NMNAT2: variants seen among roughly 807,000 people sequenced by gnomAD.
NMNAT2 encodes the protein nicotinamide/nicotinic acid mononucleotide adenylyltransferase 2.
A neutral mutation model predicts 41.6 loss-of-function variants in NMNAT2; 11 were observed. The observed-to-expected ratio is 0.26, with a 90% CI of 0.17 to 0.44. The LOEUF (loss-of-function observed/expected upper bound fraction) is 0.44. Ranked by LOEUF, NMNAT2 falls within the 20% of genes least tolerant of loss-of-function variation. The pLI is 1.00. For missense variants in NMNAT2, 288 were observed against 407.7 expected, an observed-to-expected ratio of 0.71 and a Z score of 2.53; for synonymous variants, 148 against 151.2, an observed-to-expected ratio of 0.98 and a Z score of 0.16.
At chr1:183,374,197 G>A (rs905731959) in intron 1 of NMNAT2, among the ~76,000 whole-genome samples, 5 of 152,264 alleles carry the variant, frequency 3.3e-5, no homozygotes, top group Admixed American at 6.5e-5. Flanking sequence ...CCAGTATACC[G>A]TGGCACCATT....
At chr1:183,393,648 C>T (rs530483095) in intron 1 of NMNAT2, among the ~76,000 whole-genome samples, 7 of 152,092 alleles carry the variant, frequency 4.6e-5, no homozygotes, top group East Asian at 1.9e-4. Flanking sequence ...CTCTGCCTCC[C>T]GGGTTCAAGC....
At chr1:183,342,897 CTAA>C (rs890713318) in intron 1 of NMNAT2, among the ~76,000 whole-genome samples, 5 of 97,370 alleles carry the variant, frequency 5.1e-5, no homozygotes, top group Non-Finnish European at 1.1e-4. Flanking sequence ...TCATGACTGG[CTAA>C]TTATTATTAT....
chr1:183,322,451 C>G (rs1258080936), intron 1 of NMNAT2, among the ~76,000 whole-genome samples: 2 of 152,106 alleles, frequency 1.3e-5, no homozygotes, highest in African/African-American at 4.8e-5. Context: ...GGCTAGGTAC[C>G]TTCTTCTCAT....
intron 1 of NMNAT2, among the ~76,000 whole-genome samples, chr1:183,295,712 C>T (rs1423256533): frequency 6.6e-6 from 1 of 152,122 alleles, no homozygotes; most frequent in Non-Finnish European, 1.5e-5. Flanking sequence ...GTTCTGTTTA[C>T]TTTTTCTATA....
intron 1 of NMNAT2, among the ~76,000 whole-genome samples, chr1:183,295,231 G>A (rs1661658123): frequency 6.6e-6 from 1 of 152,016 alleles, no homozygotes; most frequent in African/African-American, 2.4e-5. Context: ...CAAACTCCCG[G>A]CCTCAAGTGA....
chr1:183,304,831 C>T, intron 1 of NMNAT2: 1 of 1,597,834 alleles, frequency 6.3e-7, no homozygotes, highest in South Asian at 1.1e-5. Context: ...CTCATTGTTG[C>T]TGATCTTGTT....
At chr1:183,403,369 A>C (rs1336717742) in intron 1 of NMNAT2, among the ~76,000 whole-genome samples, 6 of 152,228 alleles carry the variant, frequency 3.9e-5, no homozygotes. Context: ...ATTTGCATGT[A>C]AAAGAAATGT....
chr1:183,254,772 T>C (rs1660476049), intron 10 of NMNAT2, among the ~76,000 whole-genome samples: 2 of 152,342 alleles, frequency 1.3e-5, no homozygotes, highest in South Asian at 4.1e-4. Context: ...ATATGTTTTC[T>C]TGCTATTTTG....
intron 1 of NMNAT2, among the ~76,000 whole-genome samples, chr1:183,360,434 G>T (rs1330076231): frequency 6.6e-6 from 1 of 151,320 alleles, no homozygotes; most frequent in East Asian, 2.0e-4. Flanking sequence ...CTTCTATTTA[G>T]CCCCAGGTCC....
intron 1 of NMNAT2, among the ~76,000 whole-genome samples, chr1:183,366,798 G>T (rs765579570): frequency 3.3e-5 from 5 of 152,050 alleles, no homozygotes; most frequent in Non-Finnish European, 5.9e-5. Context: ...GGGAATGAGA[G>T]CCAGCAATGA....
chr1:183,293,002 C>T (rs551008413), intron 2 of NMNAT2, 145 bp from the exon 3 acceptor site: 27 of 760,458 alleles, frequency 3.6e-5, no homozygotes, highest in African/African-American at 5.3e-5. Context: ...TTTACTTGTC[C>T]GTTTGCCACA....
chr1:183,364,792 A>G (rs2102361779), intron 1 of NMNAT2, among the ~76,000 whole-genome samples: 1 of 152,188 alleles, frequency 6.6e-6, no homozygotes, highest in Admixed American at 6.5e-5. Flanking sequence ...CCCAGGTTCA[A>G]GCGATTCTCC....
intron 1 of NMNAT2, among the ~76,000 whole-genome samples, chr1:183,372,989 C>T (rs1663582337): frequency 1.3e-5 from 2 of 152,270 alleles, no homozygotes; most frequent in South Asian, 2.1e-4. Flanking sequence ...ATAGGAGGGG[C>T]CAGCTCCCCC....
chr1:183,278,734 G>C (rs1639722561), intron 7 of NMNAT2, 105 bp from the exon 8 acceptor site: 2 of 793,686 alleles, frequency 2.5e-6, no homozygotes, highest in Non-Finnish European at 4.4e-6. Flanking sequence ...CCCACCTTTG[G>C]GGATGTGGGG....
intron 1 of NMNAT2, among the ~76,000 whole-genome samples, chr1:183,369,779 A>G (rs562751378): frequency 2.6e-5 from 4 of 151,920 alleles, no homozygotes; most frequent in Non-Finnish European, 4.4e-5. Context: ...TTAACTCCTC[A>G]TTAAACACTA....
chr1:183,297,609 G>A (rs1279979779), intron 1 of NMNAT2, among the ~76,000 whole-genome samples: 4 of 152,096 alleles, frequency 2.6e-5, no homozygotes, highest in East Asian at 3.9e-4. Context: ...TTGAACTCCC[G>A]ACCTCAGGTG....
At chr1:183,396,459 G>C (rs1318904724) in intron 1 of NMNAT2, among the ~76,000 whole-genome samples, 1 of 152,144 alleles carries the variant, frequency 6.6e-6, no homozygotes, top group African/African-American at 2.4e-5. Context: ...TCAAGCATGT[G>C]CACTAAGAGG....
Position 183,293,813 on chromosome 1 carries a change from C to G in NMNAT2, c.86-20G>C. 6.4e-7 allele frequency: 1 copy of G among 1,557,888 alleles called. No individual in the cohort carries two copies. ...CTCTTTCTAATTAAGAGAAGAAACC[C>G]ACACATTATAAAGAGGAAAGGCATG... is the stretch of plus-strand genomic sequence containing the variant. On this transcript the variant is annotated intron_variant, in intron 1 of 10. Coordinates refer to ENST00000287713, the MANE Select transcript of NMNAT2 (RefSeq NM_015039.4).
At chr1:183,385,126 C>T (rs1002037947) in intron 1 of NMNAT2, among the ~76,000 whole-genome samples, 2 of 151,964 alleles carry the variant, frequency 1.3e-5, no homozygotes, top group Admixed American at 6.6e-5. Context: ...CACTTGAGCC[C>T]AGGTGTTTCA....
Sources: allele counts gnomAD v4.1 joint callset (sites outside exome capture counted in the v4.1 genomes callset), GRCh38; gene constraint gnomAD v4.1.1; transcripts MANE v1.5; gene names NCBI Gene and HGNC (gene_info 2026-07-23, HGNC 2026-07-21).